The following METTL22 variants were observed in gnomAD, a reference collection of about 807,000 sequenced individuals.
METTL22 encodes methyltransferase 22, Kin17 lysine, also known as methyltransferase-like protein 22.
A neutral mutation model predicts 48.4 loss-of-function variants in METTL22; 51 were observed. The observed-to-expected ratio is 1.05, with a 90% CI of 0.84 to 1.33. The LOEUF (loss-of-function observed/expected upper bound fraction) is 1.33, where lower values mean the gene tolerates loss of function less well. Among genes scored for constraint, METTL22 ranks in the 40% most tolerant of loss-of-function variants. The probability of loss-of-function intolerance (pLI) is 0.00; values close to 1 mark genes in which losing one functional copy is unlikely to be tolerated. For missense variants in METTL22, 678 were observed against 526.9 expected, an observed-to-expected ratio of 1.29 and a Z score of -2.81; for synonymous variants, 255 against 214.1, an observed-to-expected ratio of 1.19 and a Z score of -1.67.
chr16:8,651,398 A>AAAAAAAAAAAAAC (rs1232161893), downstream of METTL22, among the ~76,000 whole-genome samples: 1 of 150,130 alleles, frequency 6.7e-6, no homozygotes, highest in Non-Finnish European at 1.5e-5. Context: ...AAAAAAAAAA[A>AAAAAAAAAAAAAC]AAAAACATAC....
chr16:8,651,097 T>A (rs2056888299), downstream of METTL22, among the ~76,000 whole-genome samples: 1 of 151,686 alleles, frequency 6.6e-6, no homozygotes, highest in Admixed American at 6.6e-5. Context: ...GTAAAGATCA[T>A]ACTAAATGGG....
At chr16:8,624,481 G>T (rs1356292619) in intron 1 of METTL22, among the ~76,000 whole-genome samples, 1 of 151,688 alleles carries the variant, frequency 6.6e-6, no homozygotes, top group African/African-American at 2.4e-5. Context: ...TTGGTGTCAA[G>T]CGATCCTCCC....
chr16:8,622,030 G>C (rs1032108676), intron 1 of METTL22, among the ~76,000 whole-genome samples: 2 of 152,210 alleles, frequency 1.3e-5, no homozygotes, highest in African/African-American at 4.8e-5. Flanking sequence ...TGCCCGACCT[G>C]TGACTGTTTT....
In METTL22 at chr16:8,621,755, C is replaced by T. The variant is rs538691966; in HGVS notation, c.-191C>T. ...ACAGAGACGGGAGTCGGGTGGGATCCCAGGCTGGGCCCCGCGGCGGGTAAG... is the reference window on the plus strand; with the variant it reads ...ACAGAGACGGGAGTCGGGTGGGATCTCAGGCTGGGCCCCGCGGCGGGTAAG... On this transcript the variant is annotated 5_prime_UTR_variant, in exon 1 of 11. Transcript: ENST00000381920. 1.3e-5 allele frequency: 2 copies of T among 152,400 alleles called. No homozygotes were observed. Among genetic ancestry groups the T allele is most frequent in the East Asian group, 3.9e-4 (2 of 5,184 alleles). 9.4% of individuals were successfully genotyped at this position (152,400 alleles called of 1,614,324 possible).
Position 8,639,169 on chromosome 16 carries a change from CCCAGGGGGTCTTCTG to C in METTL22, c.772+14_772+28del. On this transcript the variant is annotated splice_region_variant and intron_variant, in intron 6 of 10. Transcript: ENST00000381920. ...CACCTGGCTGCCACTGGAGGTGAGG[CCCAGGGGGTCTTCTG>C]CCAGGGAGGGAGGTTTCTCTGTTTA... 1 of 1,613,780 alleles carries C rather than the reference CCCAGGGGGTCTTCTG, an allele frequency of 6.2e-7. No individual in the cohort carries two copies. The highest frequency in any genetic ancestry group is 1.3e-5 in the African/African-American group (1 of 75,030).
intron 5 of METTL22, among the ~76,000 whole-genome samples, chr16:8,636,372 T>C (rs2056421819): frequency 6.6e-6 from 1 of 152,080 alleles, no homozygotes; most frequent in Non-Finnish European, 1.5e-5. Context: ...CTGTCTGTAC[T>C]AAAAATACAA....
the METTL22 span, among the ~76,000 whole-genome samples, chr16:8,662,756 G>T: frequency 1.4e-5 from 2 of 144,216 alleles, no homozygotes; most frequent in African/African-American, 5.2e-5. Flanking sequence ...ATGGCACCTG[G>T]CATCTGAACT....
At chr16:8,653,723 A>G (rs1394327060), downstream of METTL22, among the ~76,000 whole-genome samples, 3 of 150,148 alleles carry the variant, frequency 2.0e-5, no homozygotes, top group East Asian at 2.0e-4. Context: ...TAAAGCTACC[A>G]TACATAGTAA....
In METTL22 at chr16:8,639,077, C is replaced by G. The variant is rs750478322; in HGVS notation, c.701-14C>G. 6 of 1,613,986 alleles carry G rather than the reference C, an allele frequency of 3.7e-6. No homozygotes were observed. Among genetic ancestry groups the G allele is most frequent in the South Asian group, 1.1e-5 (1 of 91,084 alleles). ...AGTGGCTGGCACTTTATGGCTTGCCCTCTGTCATTCCAGATGTCGGTGCAG... is the reference window on the plus strand; with the variant it reads ...AGTGGCTGGCACTTTATGGCTTGCCGTCTGTCATTCCAGATGTCGGTGCAG... On this transcript the variant is annotated splice_polypyrimidine_tract_variant and intron_variant, in intron 5 of 10. Transcript: ENST00000381920.
intron 1 of METTL22, among the ~76,000 whole-genome samples, chr16:8,622,798 A>C (rs957868569): frequency 6.6e-6 from 1 of 152,222 alleles, no homozygotes. Flanking sequence ...ATTCTAGGGA[A>C]AGCCACTTAA....
chr16:8,646,407 A>G lies in METTL22; in HGVS notation c.*264A>G, dbSNP rs2056801392. 2 of 676,076 alleles carry G rather than the reference A, an allele frequency of 3.0e-6. No homozygotes were observed. Among genetic ancestry groups the G allele is most frequent in the Non-Finnish European group, 2.7e-6 (1 of 368,580 alleles). The allele number at this position is 676,076 out of a possible 1,614,324, so 41.9% of individuals were successfully genotyped here. ...GTGTGCTCCAGGGTCAAGCCGAGCC[A>G]CGTTCCTTCTCAGCTCAGTTCCACC... is the stretch of plus-strand genomic sequence containing the variant. On this transcript the variant is annotated 3_prime_UTR_variant, in exon 11 of 11. Transcript: ENST00000381920.
chr16:8,655,477 TAGAG>T, the METTL22 span, among the ~76,000 whole-genome samples: 4 of 152,322 alleles, frequency 2.6e-5, no homozygotes, highest in East Asian at 1.9e-4. Context: ...CATACAAGAA[TAGAG>T]AGAGTTTACT....
At chr16:8,638,912 A>G (rs1478982656) in intron 5 of METTL22, among the ~76,000 whole-genome samples, 179 bp from the exon 6 acceptor site, 1 of 152,242 alleles carries the variant, frequency 6.6e-6, no homozygotes, top group Admixed American at 6.5e-5. Flanking sequence ...TTTAGGGAAC[A>G]AGCCAATGAA....
the METTL22 span, among the ~76,000 whole-genome samples, chr16:8,656,097 G>T: frequency 6.6e-6 from 1 of 152,166 alleles, no homozygotes; most frequent in Non-Finnish European, 1.5e-5. Flanking sequence ...TTTAGAGACA[G>T]GTCTCGCCAT....
intron 10 of METTL22, 198 bp from the exon 11 acceptor site, chr16:8,645,908 CCT>C: frequency 1.0e-6 from 1 of 962,412 alleles, no homozygotes; most frequent in Non-Finnish European, 1.2e-6. Context: ...ATCCATCCAG[CCT>C]CTCTGCCACA....
intron 1 of METTL22, among the ~76,000 whole-genome samples, chr16:8,623,405 C>A (rs2055927895): frequency 6.6e-6 from 1 of 152,070 alleles, no homozygotes; most frequent in Admixed American, 6.5e-5. Context: ...GGATCTTCCC[C>A]ACCCCCTTCA....
At chr16:8,632,249 T>G (rs1240821327) in intron 3 of METTL22, 1 of 152,170 alleles carries the variant, frequency 6.6e-6, no homozygotes, top group Non-Finnish European at 1.5e-5. Context: ...CCTCTTGTTC[T>G]CTCCCTTATC....
chr16:8,622,524 A>C (rs544992410), intron 1 of METTL22, among the ~76,000 whole-genome samples: 2 of 152,302 alleles, frequency 1.3e-5, no homozygotes, highest in South Asian at 2.1e-4. Context: ...TGCCCAGTAA[A>C]GAGAGGAGCC....
rs2056657513 is a variant in METTL22, at chr16:8,642,578, C to T, written c.1010+13C>T. On this transcript the variant is annotated intron_variant, in intron 9 of 10. Transcript: ENST00000381920. ...CGGTGGAGAAGAGGTGAGCTTTGCG[C>T]CACGGGAACCGTGCTGACGTCCCGA... is the stretch of plus-strand genomic sequence containing the variant. The T allele has an allele frequency of 1.9e-6, 3 of 1,612,274 alleles. No individual in the cohort carries two copies. Among genetic ancestry groups the T allele is most frequent in the South Asian group, 2.2e-5 (2 of 91,048 alleles).
Sources: allele counts gnomAD v4.1 joint callset (sites outside exome capture counted in the v4.1 genomes callset), GRCh38; gene constraint gnomAD v4.1.1; transcripts MANE v1.5; gene names NCBI Gene and HGNC (gene_info 2026-07-23, HGNC 2026-07-21).